Variants in CSMD1 observed in about 807,000 individuals in gnomAD.
The protein encoded by CSMD1 is CUB and sushi domain-containing protein 1.
CSMD1 carries 213 observed loss-of-function variants against 417.5 expected under a neutral mutation model. The ratio of observed to expected loss-of-function variants is 0.51; its 90% confidence interval spans 0.46 to 0.57. The LOEUF is 0.57. CSMD1 is among the 20% of genes least tolerant of loss of function. CSMD1 has a pLI of 0.00. For missense variants in CSMD1, 6,923 were observed against 4,529.7 expected (o/e 1.53, Z -15.17); for synonymous variants, 2,862 against 1,736.8 (o/e 1.65, Z -16.11).
rs1432600618 is a variant in CSMD1, at chr8:3,753,978, T to A, written c.883A>T (p.Thr295Ser). 6.2e-7 allele frequency: 1 copy of A among 1,612,050 alleles called. No individual in the cohort carries two copies. Among genetic ancestry groups the A allele is most frequent in the South Asian group, 1.1e-5 (1 of 91,012 alleles). The change falls in exon 6 of 70, where the codon ACC becomes TCC. Residue 295 changes from threonine (T) to serine (S), a missense_variant. By Grantham distance (58) the Thr-to-Ser change is moderately conservative. Transcript: ENST00000635120. ...SSKNWLRLHF[T>S]SDSNHRRKGF... ...TTGCGTCGGTGGTTGCTGTCAGAGG[T>A]GAAATGGAGTCGTAGCCAATTCTTG...
intron 52 of CSMD1, among the ~76,000 whole-genome samples, chr8:3,003,022 T>TGA (rs1807550912): frequency 6.6e-6 from 1 of 152,256 alleles, no homozygotes; most frequent in Admixed American, 6.5e-5. Flanking sequence ...TGTGGCTTCC[T>TGA]ATTTTGAAAC....
chr8:3,904,848 G>C (rs755967822), intron 5 of CSMD1, among the ~76,000 whole-genome samples: 22 of 152,086 alleles, frequency 1.4e-4, no homozygotes, highest in South Asian at 4.2e-4. Context: ...TGTTGACCAG[G>C]CTGGTCTCAA....
At chr8:4,898,207 T>C (rs966321953) in intron 1 of CSMD1, among the ~76,000 whole-genome samples, 1 of 152,156 alleles carries the variant, frequency 6.6e-6, no homozygotes, top group Admixed American at 6.5e-5. Flanking sequence ...GCAAATGGAA[T>C]GATTAAAACG....
At chr8:4,833,474 GA>G (rs1216801181) in intron 1 of CSMD1, among the ~76,000 whole-genome samples, 1 of 152,156 alleles carries the variant, frequency 6.6e-6, no homozygotes, top group African/African-American at 2.4e-5. Flanking sequence ...CAGCATTGGG[GA>G]TTACAATTCA....
chr8:4,367,963 G>C (rs537647710), intron 3 of CSMD1, among the ~76,000 whole-genome samples: 77 of 152,176 alleles, frequency 5.1e-4, no homozygotes, highest in East Asian at 2.3e-3. Flanking sequence ...AGGCTTTATG[G>C]GGTGTTCTAG....
intron 2 of CSMD1, among the ~76,000 whole-genome samples, chr8:4,430,769 C>G (rs4875344): frequency 6.6e-6 from 1 of 151,982 alleles, no homozygotes; most frequent in East Asian, 1.9e-4. Flanking sequence ...TTATGACAAT[C>G]AAACCATTTA....
chr8:4,124,609 C>G (rs773149432), intron 3 of CSMD1, among the ~76,000 whole-genome samples: 2 of 152,150 alleles, frequency 1.3e-5, no homozygotes, highest in African/African-American at 2.4e-5. Flanking sequence ...CTGGCACCAG[C>G]ACGCACAGCC....
intron 1 of CSMD1, among the ~76,000 whole-genome samples, chr8:4,949,704 G>A (rs889776150): frequency 2.6e-5 from 4 of 152,070 alleles, no homozygotes; most frequent in African/African-American, 7.2e-5. Flanking sequence ...GAATTTTAAT[G>A]GGATCATTTG....
chr8:3,593,943 T>C (rs1800973495), intron 8 of CSMD1, among the ~76,000 whole-genome samples: 1 of 152,172 alleles, frequency 6.6e-6, no homozygotes, highest in Admixed American at 6.5e-5. Context: ...TATGGGGAGT[T>C]TCCTGAACAA....
intron 1 of CSMD1, among the ~76,000 whole-genome samples, chr8:4,841,202 T>A (rs1318429817): frequency 6.6e-6 from 1 of 152,232 alleles, no homozygotes; most frequent in Non-Finnish European, 1.5e-5. Flanking sequence ...TATTATACAT[T>A]ATGTTGATAT....
intron 2 of CSMD1, among the ~76,000 whole-genome samples, chr8:4,498,394 T>C (rs1386946523): frequency 6.6e-6 from 1 of 152,210 alleles, no homozygotes; most frequent in Non-Finnish European, 1.5e-5. Flanking sequence ...TTTTTGTATA[T>C]ATTTCTAAAT....
chr8:3,914,064 G>A (rs139218349), intron 5 of CSMD1, among the ~76,000 whole-genome samples: 4 of 152,254 alleles, frequency 2.6e-5, no homozygotes, highest in Admixed American at 6.5e-5. Context: ...AAGTGGAAAT[G>A]ATCACAATAA....
At chr8:4,793,431 C>A (rs1391631542) in intron 1 of CSMD1, among the ~76,000 whole-genome samples, 1 of 151,936 alleles carries the variant, frequency 6.6e-6, no homozygotes, top group African/African-American at 2.4e-5. Flanking sequence ...CCTCCCCCAG[C>A]TCTTTATCAC....
In CSMD1 at chr8:3,326,484, C is replaced by A. The variant is rs77036456; in HGVS notation, c.3631+16810G>T. On this transcript the variant is annotated intron_variant, in intron 23 of 69. Coordinates refer to ENST00000635120, the MANE Select transcript of CSMD1 (RefSeq NM_033225.6). The stretch of plus-strand genomic sequence containing the variant: ...ACTACCGTGCTACAAAGACACATCC[C>A]AAACTTGCCCTCTCCTGAATGTTGT... 3.0e-3 allele frequency among the ~76,000 whole-genome samples: 462 copies of A among 152,324 alleles called. 3 individuals carry two copies. In the Middle Eastern group the frequency reaches 0.034, roughly 11 times the overall value.
chr8:3,238,889 A>G (rs1045388235), intron 26 of CSMD1, among the ~76,000 whole-genome samples: 6 of 152,318 alleles, frequency 3.9e-5, no homozygotes, highest in Non-Finnish European at 8.8e-5. Context: ...GTAAACCAGC[A>G]GTGTAATCAA....
rs566664548 is a variant in CSMD1, at chr8:3,137,062, T to C, written c.6241+5403A>G. Among the ~76,000 whole-genome samples the C allele has an allele frequency of 5.3e-5, 8 of 152,304 alleles. No homozygotes were observed. The South Asian group carries it at 1.7e-3, about 32-fold the overall frequency. ...ATCAGATCTGGGTAATTACTACATC[T>C]GTATGTTCATCATCTCCAGCCTTTA... On this transcript the variant is annotated intron_variant, in intron 41 of 69. Transcript: ENST00000635120.
At chr8:4,456,466 C>T (rs981349632) in intron 2 of CSMD1, among the ~76,000 whole-genome samples, 1 of 152,026 alleles carries the variant, frequency 6.6e-6, no homozygotes, top group Non-Finnish European at 1.5e-5. Context: ...ACGAAAATCA[C>T]CAACAGACAG....
chr8:3,057,772 C>A (rs934577574), intron 49 of CSMD1, among the ~76,000 whole-genome samples: 1 of 152,150 alleles, frequency 6.6e-6, no homozygotes, highest in Non-Finnish European at 1.5e-5. Flanking sequence ...ACTAAAGATG[C>A]CCGGACTATT....
intron 12 of CSMD1, among the ~76,000 whole-genome samples, chr8:3,445,402 G>A (rs749529507): frequency 5.3e-5 from 8 of 152,158 alleles, no homozygotes; most frequent in Non-Finnish European, 7.3e-5. Flanking sequence ...AGGCAGATAT[G>A]ACTGTGCCTA....
Sources: gnomAD v4.1 joint callset for allele counts (sites outside exome capture counted in the v4.1 genomes callset) on GRCh38, gnomAD v4.1.1 for gene constraint, MANE v1.5 for transcripts, NCBI Gene and HGNC (gene_info 2026-07-23, HGNC 2026-07-21) for gene names.